Variants in CRPPA observed in about 807,000 individuals in gnomAD.
CRPPA encodes D-ribitol-5-phosphate cytidylyltransferase.
A neutral mutation model predicts 52.0 loss-of-function variants in CRPPA; 43 were observed. The ratio of observed to expected loss-of-function variants is 0.83; its 90% confidence interval spans 0.65 to 1.07. CRPPA has a LOEUF of 1.07. Ranked by LOEUF, CRPPA falls within the 50% of genes least tolerant of loss-of-function variation. The pLI is 0.00. For missense variants in CRPPA, 629 were observed against 551.7 expected (o/e 1.14, Z -1.40); for synonymous variants, 250 against 203.5 (o/e 1.23, Z -1.94).
intron 3 of CRPPA, among the ~76,000 whole-genome samples, chr7:16,327,908 A>C (rs551917542): frequency 6.6e-6 from 1 of 152,266 alleles, no homozygotes; most frequent in South Asian, 2.1e-4. Flanking sequence ...CCCAACACCA[A>C]CTTGCTACAA....
intron 3 of CRPPA, among the ~76,000 whole-genome samples, chr7:16,371,255 A>T (rs1209237918): frequency 6.6e-6 from 1 of 152,182 alleles, no homozygotes; most frequent in East Asian, 1.9e-4. Flanking sequence ...TGAAGCCTGA[A>T]TCAACTCAGT....
At chr7:16,387,641 A>G (rs1213836786) in intron 2 of CRPPA, among the ~76,000 whole-genome samples, 1 of 152,210 alleles carries the variant, frequency 6.6e-6, no homozygotes, top group African/African-American at 2.4e-5. Flanking sequence ...AATTTAAAAG[A>G]TGTCCAAAAT....
At chr7:16,415,910 G>C (rs1023314906) in intron 1 of CRPPA, among the ~76,000 whole-genome samples, 1 of 152,100 alleles carries the variant, frequency 6.6e-6, no homozygotes, top group Non-Finnish European at 1.5e-5. Flanking sequence ...TGGGGCCAAA[G>C]TTCAGAAGTT....
At chr7:16,292,474 G>A (rs1013736703) in intron 5 of CRPPA, among the ~76,000 whole-genome samples, 2 of 151,920 alleles carry the variant, frequency 1.3e-5, no homozygotes, top group African/African-American at 4.8e-5. Flanking sequence ...GTAGCACAGA[G>A]GGAGGAAGAA....
intron 3 of CRPPA, among the ~76,000 whole-genome samples, chr7:16,369,916 T>G (rs1169708361): frequency 1.3e-5 from 2 of 152,206 alleles, no homozygotes; most frequent in African/African-American, 4.8e-5. Flanking sequence ...GGGGAAAGTC[T>G]GCCTCCAATC....
rs146557115 is a variant in CRPPA, at chr7:16,190,894, A to G, written c.1251+25172T>C. On this transcript the variant is annotated intron_variant, in intron 9 of 9. Transcript: ENST00000407010. ...GTTTTCCACTCCCCAGTTTTTTCACATAGAATAATAGTCTCCAGTTCCACC... is the reference window on the plus strand; with the variant it reads ...GTTTTCCACTCCCCAGTTTTTTCACGTAGAATAATAGTCTCCAGTTCCACC... 3.5e-4 allele frequency among the ~76,000 whole-genome samples: 53 copies of G among 152,198 alleles called. No individual in the cohort carries two copies. In the East Asian group the frequency reaches 9.1e-3, roughly 26 times the overall value.
intron 6 of CRPPA, chr7:16,277,359 C>A (rs1424159781): frequency 1.3e-5 from 1 of 75,792 alleles, no homozygotes. Flanking sequence ...AGTGAGACTC[C>A]ATCTCAAAAA....
intron 5 of CRPPA, among the ~76,000 whole-genome samples, chr7:16,280,905 A>G (rs1374942919): frequency 6.6e-6 from 1 of 152,178 alleles, no homozygotes; most frequent in African/African-American, 2.4e-5. Context: ...CTGTAGTCCC[A>G]GCTACGCAGG....
intron 8 of CRPPA, among the ~76,000 whole-genome samples, chr7:16,238,868 T>C (rs776050623): frequency 2.0e-5 from 3 of 152,174 alleles, no homozygotes; most frequent in Non-Finnish European, 2.9e-5. Context: ...CTGGGCACAG[T>C]GGCTCATGCC....
intron 8 of CRPPA, among the ~76,000 whole-genome samples, chr7:16,239,240 G>C (rs1326887609): frequency 2.0e-5 from 3 of 151,114 alleles, no homozygotes; most frequent in African/African-American, 7.3e-5. Flanking sequence ...AAGTAACTTG[G>C]ACAGGTTAAG....
At chr7:16,138,840 C>T (rs1310469150) in intron 9 of CRPPA, among the ~76,000 whole-genome samples, 10 of 152,118 alleles carry the variant, frequency 6.6e-5, no homozygotes, top group Admixed American at 1.3e-4. Flanking sequence ...TCACTCCTGT[C>T]GCCCAGGCAA....
intron 9 of CRPPA, among the ~76,000 whole-genome samples, chr7:16,147,910 T>G (rs1220703088): frequency 6.6e-6 from 1 of 152,168 alleles, no homozygotes; most frequent in African/African-American, 2.4e-5. Context: ...ATGATTTGGT[T>G]CCTACCCTCA....
At chr7:16,256,056 C>T (rs865925012) in intron 8 of CRPPA, among the ~76,000 whole-genome samples, 5 of 152,010 alleles carry the variant, frequency 3.3e-5, no homozygotes, top group Non-Finnish European at 2.9e-5. Context: ...TGACAAAGGT[C>T]GAATATCCAG....
intron 6 of CRPPA, chr7:16,261,872 GT>G (rs996766763): frequency 2.0e-5 from 3 of 151,980 alleles, no homozygotes; most frequent in African/African-American, 4.8e-5. Flanking sequence ...TACATTTGAG[GT>G]TTTTTTCTTT....
At chr7:16,264,784 C>T (rs1280211188) in intron 6 of CRPPA, among the ~76,000 whole-genome samples, 1 of 152,182 alleles carries the variant, frequency 6.6e-6, no homozygotes, top group East Asian at 1.9e-4. Context: ...GCCTTTCTAG[C>T]ATTCAGCATT....
At chr7:16,347,154 C>A (rs1441557423) in intron 3 of CRPPA, among the ~76,000 whole-genome samples, 3 of 151,848 alleles carry the variant, frequency 2.0e-5, no homozygotes, top group South Asian at 4.2e-4. Context: ...TGACTTTCAG[C>A]CCCATTTATC....
intron 3 of CRPPA, among the ~76,000 whole-genome samples, chr7:16,363,075 T>C (rs1786499384): frequency 1.3e-5 from 2 of 152,182 alleles, no homozygotes; most frequent in South Asian, 4.1e-4. Context: ...CAATAACCAT[T>C]ATGGAAATTG....
chr7:16,175,000 T>G (rs1387746031), intron 9 of CRPPA, among the ~76,000 whole-genome samples: 1 of 152,160 alleles, frequency 6.6e-6, no homozygotes, highest in African/African-American at 2.4e-5. Flanking sequence ...GGGTAAGATT[T>G]TGTTGGTTTT....
intron 2 of CRPPA, among the ~76,000 whole-genome samples, chr7:16,387,470 A>C (rs1291204496): frequency 6.6e-6 from 1 of 152,144 alleles, no homozygotes; most frequent in Non-Finnish European, 1.5e-5. Flanking sequence ...ACTACAAAAG[A>C]AAGCAATAGG....
Sources: gnomAD v4.1 joint callset for allele counts (sites outside exome capture counted in the v4.1 genomes callset) on GRCh38, gnomAD v4.1.1 for gene constraint, MANE v1.5 for transcripts, NCBI Gene and HGNC (gene_info 2026-07-23, HGNC 2026-07-21) for gene names.